MAP4K4: variants seen among roughly 807,000 people sequenced by gnomAD.
MAP4K4 encodes the protein HPK/GCK-like kinase HGK.
A neutral mutation model predicts 189.6 loss-of-function variants in MAP4K4; 38 were observed. That is an observed-to-expected ratio of 0.20 (90% CI 0.15 to 0.26). The LOEUF is 0.26. MAP4K4 is among the 10% of genes least tolerant of loss of function. The pLI is 1.00. For missense variants in MAP4K4, 1,054 were observed against 1,726.9 expected, an observed-to-expected ratio of 0.61 and a Z score of 6.91; for synonymous variants, 610 against 624.3, an observed-to-expected ratio of 0.98 and a Z score of 0.34.
chr2:101,814,723 C>T (rs1382235421), intron 3 of MAP4K4, among the ~76,000 whole-genome samples: 1 of 152,140 alleles, frequency 6.6e-6, no homozygotes, highest in Non-Finnish European at 1.5e-5. Context: ...GGAAAGAGTT[C>T]ACTGCTTTTC....
At position 101,798,523 on chromosome 2, in the gene MAP4K4, C is replaced by T. The variant is rs747135376; in HGVS notation, c.180+7747C>T. Among the ~76,000 whole-genome samples the T allele has an allele frequency of 1.2e-4, 18 of 152,096 alleles. 1 individual carries two copies. The highest frequency in any genetic ancestry group is 2.7e-4 in the African/African-American group (11 of 41,416). The stretch of plus-strand genomic sequence containing the variant: ...AAGTCTTCACTTTATTTATGGATGA[C>T]GACAGTTGGAATTCAGAGAGGTGCT... On this transcript the variant is annotated intron_variant, in intron 3 of 32. Transcript: ENST00000324219.
At chr2:101,775,490 C>A (rs1479146764) in intron 2 of MAP4K4, among the ~76,000 whole-genome samples, 2 of 151,838 alleles carry the variant, frequency 1.3e-5, no homozygotes, top group Non-Finnish European at 2.9e-5. Flanking sequence ...TTGTAAAGGT[C>A]TGTGTTTACA....
chr2:101,783,350 C>T (rs937374682), intron 2 of MAP4K4, among the ~76,000 whole-genome samples: 1 of 152,050 alleles, frequency 6.6e-6, no homozygotes, highest in Non-Finnish European at 1.5e-5. Flanking sequence ...ACACCAAACC[C>T]CCAGCTAAGA....
intron 5 of MAP4K4, among the ~76,000 whole-genome samples, chr2:101,826,426 G>A (rs1200597010): frequency 6.6e-6 from 1 of 152,082 alleles, no homozygotes; most frequent in Non-Finnish European, 1.5e-5. Flanking sequence ...GTTGTGAAGG[G>A]TGGGGTAGGG....
At chr2:101,821,564 C>T (rs994769473) in intron 3 of MAP4K4, among the ~76,000 whole-genome samples, 16 of 152,112 alleles carry the variant, frequency 1.1e-4, no homozygotes, top group South Asian at 4.1e-4. Context: ...GTGGTATTTC[C>T]GCATAGAGCT....
chr2:101,880,264 C>T (rs2098345755), intron 27 of MAP4K4, among the ~76,000 whole-genome samples: 2 of 152,138 alleles, frequency 1.3e-5, no homozygotes. Flanking sequence ...AAGTCATTGC[C>T]AAATCCAGAG....
rs565727787 is a variant in MAP4K4, at chr2:101,867,244, C to T, written c.2389C>T (p.Arg797Cys). The T allele has an allele frequency of 2.8e-5, 45 of 1,605,972 alleles. No homozygotes were observed. The Middle Eastern group carries it at 5.0e-4, about 18-fold the overall frequency. The change falls in exon 20 of 33, where the codon CGC (arginine) becomes TGC (cysteine). Residue 797 changes from arginine (R) to cysteine (C), a missense_variant. Around this residue, in one of 4 missense-constraint regions of MAP4K4, gnomAD observed 646 missense variants for 796.2 expected, o/e 0.81. Coordinates refer to ENST00000324219, the Ensembl canonical transcript of MAP4K4. ...CAAGTCTGAAGGCTCTCCATCTCAG[C>T]GCCTGGAAAATGCAGTGAAAAAACC... is the stretch of plus-strand genomic sequence containing the variant.
At chr2:101,701,528 AGGG>A (rs780362035) in intron 2 of MAP4K4, among the ~76,000 whole-genome samples, 25 of 152,200 alleles carry the variant, frequency 1.6e-4, no homozygotes, top group Non-Finnish European at 3.1e-4. Context: ...CCCTGAGAGT[AGGG>A]GACTTGATCC....
intron 3 of MAP4K4, chr2:101,797,354 C>T: frequency 2.3e-6 from 3 of 1,290,830 alleles, no homozygotes; most frequent in South Asian, 1.2e-5. Flanking sequence ...CTCTGGCAGA[C>T]TTACCACAGG....
At chr2:101,859,622 G>A (rs1419487461) in intron 14 of MAP4K4, 21 bp from the exon 15 acceptor site, 32 of 1,563,972 alleles carry the variant, frequency 2.0e-5, no homozygotes, top group Non-Finnish European at 2.7e-5. Context: ...TAGATTTAGT[G>A]TTATCCTCTC....
At chr2:101,780,809 C>G (rs2086933614) in intron 2 of MAP4K4, among the ~76,000 whole-genome samples, 1 of 152,196 alleles carries the variant, frequency 6.6e-6, no homozygotes, top group Non-Finnish European at 1.5e-5. Context: ...CGTATCTTGA[C>G]AGAGTCATAT....
In MAP4K4 at chr2:101,779,767, C is replaced by T. The variant is rs74708620; in HGVS notation, c.124-10953C>T. On this transcript the variant is annotated intron_variant, in intron 2 of 32. Transcript: ENST00000324219. ...GGTAAGGGATACTATCACATGTAAC[C>T]TCAAAAGAAAACTTGAAAGGTGGGG... Among the ~76,000 whole-genome samples, 372 of 151,356 alleles carry T rather than the reference C, an allele frequency of 2.5e-3. 13 individuals carry two copies. The East Asian group carries it at 0.046, about 19-fold the overall frequency.
At chr2:101,717,350 A>G (rs903534284) in intron 2 of MAP4K4, among the ~76,000 whole-genome samples, 5 of 152,236 alleles carry the variant, frequency 3.3e-5, no homozygotes, top group African/African-American at 9.6e-5. Flanking sequence ...AGATATAGCT[A>G]CAGGTAAACT....
intron 7 of MAP4K4, 55 bp downstream of exon 7, chr2:101,831,906 TG>T (rs1255661060): frequency 1.9e-6 from 3 of 1,584,664 alleles, no homozygotes; most frequent in Admixed American, 3.7e-5. Flanking sequence ...ACCCGAGGGA[TG>T]GGGGCTTTGC....
chr2:101,806,060 A>G (rs996593055), intron 3 of MAP4K4, among the ~76,000 whole-genome samples: 5 of 152,010 alleles, frequency 3.3e-5, no homozygotes, highest in African/African-American at 1.2e-4. Context: ...CACCCCACCC[A>G]CCATACCCTG....
intron 2 of MAP4K4, among the ~76,000 whole-genome samples, chr2:101,759,005 C>T (rs1180837465): frequency 2.6e-5 from 4 of 151,824 alleles, no homozygotes; most frequent in East Asian, 1.9e-4. Flanking sequence ...TGGTGGCAGG[C>T]GCCTGTAGTC....
At chr2:101,807,487 G>C (rs1244499669) in intron 3 of MAP4K4, among the ~76,000 whole-genome samples, 1 of 152,140 alleles carries the variant, frequency 6.6e-6, no homozygotes, top group Non-Finnish European at 1.5e-5. Context: ...GGGGATGTTA[G>C]GGTAAGTGCC....
At chr2:101,712,335 C>T (rs1009166777) in intron 2 of MAP4K4, among the ~76,000 whole-genome samples, 1 of 151,932 alleles carries the variant, frequency 6.6e-6, no homozygotes, top group Non-Finnish European at 1.5e-5. Flanking sequence ...GCTGGGACTA[C>T]AGGCGCAGGC....
chr2:101,893,770 T>C (rs1415280168), exon 33 of MAP4K4: 3 of 154,010 alleles, frequency 1.9e-5, no homozygotes, highest in Non-Finnish European at 4.3e-5. Flanking sequence ...TAGAACTTGC[T>C]GGCTTTCCCA....
Sources: allele counts gnomAD v4.1 joint callset (sites outside exome capture counted in the v4.1 genomes callset), GRCh38; gene constraint gnomAD v4.1.1; regional missense constraint gnomAD v4.1.1; transcripts MANE v1.5; gene names NCBI Gene and HGNC (gene_info 2026-07-23, HGNC 2026-07-21).